The following PTGER3 variants were observed in gnomAD, a reference collection of about 807,000 sequenced individuals.
PTGER3 encodes the protein prostaglandin E2 receptor EP3 subtype.
Under a neutral mutation model 34.7 loss-of-function variants are expected in PTGER3, and 22 were observed. That is an observed-to-expected ratio of 0.63 (90% CI 0.45 to 0.91). The LOEUF (loss-of-function observed/expected upper bound fraction) is 0.91. Ranked by LOEUF, PTGER3 falls within the 40% of genes least tolerant of loss-of-function variation. PTGER3 has a pLI of 0.00. For synonymous variants in PTGER3, 241 were observed against 230.1 expected, an observed-to-expected ratio of 1.05 and a Z score of -0.43; for missense variants, 468 against 519.4, an observed-to-expected ratio of 0.90 and a Z score of 0.96.
intron 2 of PTGER3, chr1:71,009,705 C>T: frequency 1.0e-6 from 1 of 985,156 alleles, no homozygotes; most frequent in South Asian, 4.7e-5. Context: ...TGTCTTTTAA[C>T]CAATACTTCA....
chr1:70,921,902 G>C (rs868691509), intron 4 of PTGER3, among the ~76,000 whole-genome samples: 7 of 152,118 alleles, frequency 4.6e-5, no homozygotes, highest in African/African-American at 1.7e-4. Flanking sequence ...TTAAAAATAA[G>C]TTCTAAATCA....
intron 4 of PTGER3, among the ~76,000 whole-genome samples, chr1:70,916,141 C>T (rs1647170917): frequency 6.6e-6 from 1 of 151,892 alleles, no homozygotes; most frequent in Non-Finnish European, 1.5e-5. Context: ...AAATGCTTAC[C>T]ACCACTAATC....
chr1:71,039,843 A>G (rs1452992708), intron 1 of PTGER3, among the ~76,000 whole-genome samples: 1 of 152,036 alleles, frequency 6.6e-6, no homozygotes, highest in Non-Finnish European at 1.5e-5. Context: ...TCAACACAAG[A>G]GTCAACACTA....
intron 4 of PTGER3, chr1:70,869,414 A>T (rs1292933121): frequency 7.9e-6 from 3 of 379,636 alleles, no homozygotes; most frequent in African/African-American, 6.3e-5. Context: ...TAAATCTCAC[A>T]TCCTTCTCAT....
At chr1:70,987,536 C>T (rs11209727) in intron 2 of PTGER3, among the ~76,000 whole-genome samples, 8,688 of 152,216 alleles carry the variant, frequency 0.057, 444 homozygotes, top group African/African-American at 0.13. Flanking sequence ...CATGATAAAT[C>T]GATTCTTATT....
chr1:70,879,024 G>C (rs140661810), intron 4 of PTGER3, among the ~76,000 whole-genome samples: 57 of 152,210 alleles, frequency 3.7e-4, no homozygotes, highest in African/African-American at 1.3e-3. Context: ...GAATATCTTT[G>C]TTAGTATTTT....
intron 4 of PTGER3, among the ~76,000 whole-genome samples, chr1:70,911,235 A>G (rs1310905828): frequency 6.6e-6 from 1 of 151,304 alleles, no homozygotes; most frequent in Non-Finnish European, 1.5e-5. Context: ...ACAAGCAAAC[A>G]TACTAGATTG....
intron 4 of PTGER3, among the ~76,000 whole-genome samples, chr1:70,881,571 A>G (rs1027378237): frequency 1.3e-5 from 2 of 151,790 alleles, no homozygotes; most frequent in Admixed American, 1.3e-4. Context: ...TCAGCCTTTG[A>G]AGTTGCAGTC....
intron 2 of PTGER3, among the ~76,000 whole-genome samples, chr1:70,961,938 G>A (rs74089189): frequency 0.011 from 1,750 of 152,278 alleles, 42 homozygotes; most frequent in African/African-American, 0.039. Context: ...CAAACTCAAA[G>A]TTGAGGCACC....
At chr1:70,933,384 T>C (rs1329789375) in intron 4 of PTGER3, among the ~76,000 whole-genome samples, 1 of 152,174 alleles carries the variant, frequency 6.6e-6, no homozygotes, top group Non-Finnish European at 1.5e-5. Flanking sequence ...AAAAAGATCA[T>C]AAAAAAGATC....
intron 4 of PTGER3, among the ~76,000 whole-genome samples, chr1:70,895,776 G>T (rs1201833387): frequency 6.6e-6 from 1 of 152,192 alleles, no homozygotes. Flanking sequence ...CTCTTGTTTT[G>T]ATTGTGTCTG....
At chr1:70,881,744 T>A (rs1646395127) in intron 4 of PTGER3, among the ~76,000 whole-genome samples, 1 of 152,202 alleles carries the variant, frequency 6.6e-6, no homozygotes, top group Non-Finnish European at 1.5e-5. Context: ...TTGTTGGGTG[T>A]TCTGGTCCAC....
intron 4 of PTGER3, among the ~76,000 whole-genome samples, chr1:70,866,854 G>T (rs1255270265): frequency 2.0e-5 from 3 of 152,138 alleles, no homozygotes; most frequent in African/African-American, 7.2e-5. Context: ...GGGGGTGCAT[G>T]CTCTTACTTC....
intron 2 of PTGER3, among the ~76,000 whole-genome samples, chr1:70,995,315 G>C (rs890550248): frequency 2.9e-4 from 44 of 152,120 alleles, no homozygotes; most frequent in Non-Finnish European, 4.9e-4. Context: ...TGGTAGATTG[G>C]GATTGGTTTA....
At chr1:71,045,594 A>G (rs554637953) in intron 1 of PTGER3, among the ~76,000 whole-genome samples, 1 of 152,182 alleles carries the variant, frequency 6.6e-6, no homozygotes, top group Non-Finnish European at 1.5e-5. Flanking sequence ...AAAAACCTCA[A>G]AAATATCACG....
In PTGER3 at chr1:71,047,054, C is replaced by A. The variant is rs749993563; in HGVS notation, c.524G>T (p.Arg175Leu). ...YASHMKTRATRAVLLGVWLAV... is the reference protein window; with the variant it reads ...YASHMKTRATLAVLLGVWLAV... ...CAGCCACACGCCGAGCAGCACAGCG[C>A]GGGTGGCACGCGTCTTCATGTGGCT... is the stretch of plus-strand genomic sequence containing the variant. Residue 175 changes from arginine to leucine, a missense_variant, in exon 1 of 4, where the codon CGC becomes CTC. Physicochemically the swap from Arg to Leu is moderately radical, Grantham distance 102. Transcript: ENST00000306666. 7.4e-6 allele frequency: 12 copies of A among 1,611,670 alleles called. No individual in the cohort carries two copies. The highest frequency in any genetic ancestry group is 9.3e-6 in the Non-Finnish European group (11 of 1,179,334).
rs772317935 is a variant in PTGER3, at chr1:71,012,441, T to G, written c.941A>C (p.His314Pro). 22 of 1,613,922 alleles carry G rather than the reference T, an allele frequency of 1.4e-5. No homozygotes were observed. The highest frequency in any genetic ancestry group is 1.8e-5 in the Non-Finnish European group (21 of 1,179,988). The stretch of plus-strand genomic sequence containing the variant: ...CTGCTTCTCCGTGTGTGTCTTGCAG[T>G]GCTCAACTGATGTCTGATTGAAGAT... ...KMIFNQTSVE[H>P]CKTHTEKQKE... is the part of the protein sequence containing the mutation. Residue 314 changes from histidine to proline, a missense_variant, in exon 2 of 4, where the codon CAC becomes CCC. His to Pro is a moderately conservative substitution (Grantham distance 77). Coordinates refer to ENST00000306666, the MANE Select transcript of PTGER3 (RefSeq NM_198719.2).
intron 4 of PTGER3, among the ~76,000 whole-genome samples, chr1:70,873,615 C>T (rs1372490760): frequency 6.7e-6 from 1 of 150,374 alleles, no homozygotes; most frequent in Non-Finnish European, 1.5e-5. Context: ...TGTTTGGTTA[C>T]ATGAGTAAGT....
intron 4 of PTGER3, among the ~76,000 whole-genome samples, chr1:70,930,500 A>G (rs1221421490): frequency 6.6e-6 from 1 of 152,168 alleles, no homozygotes; most frequent in Non-Finnish European, 1.5e-5. Context: ...TTCCTCTTGT[A>G]TTAGTCCACT....
Sources: gnomAD v4.1 joint callset for allele counts (sites outside exome capture counted in the v4.1 genomes callset) on GRCh38, gnomAD v4.1.1 for gene constraint, MANE v1.5 for transcripts, NCBI Gene and HGNC (gene_info 2026-07-23, HGNC 2026-07-21) for gene names.